PLS3: variants seen among roughly 807,000 people sequenced by gnomAD.
PLS3 encodes plastin-3.
PLS3 carries 11 observed loss-of-function variants against 46.5 expected under a neutral mutation model. That is an observed-to-expected ratio of 0.24 (90% CI 0.15 to 0.39). The LOEUF (loss-of-function observed/expected upper bound fraction) is 0.39, where lower values mean the gene tolerates loss of function less well. Ranked by LOEUF, PLS3 falls within the 10% of genes least tolerant of loss-of-function variation. PLS3 has a pLI of 1.00. For synonymous variants in PLS3, 167 were observed against 162.2 expected (o/e 1.03, Z -0.22); for missense variants, 308 against 461.8 (o/e 0.67, Z 3.05).
At chrX:115,594,472 G>C (rs1294805374) in intron 1 of PLS3, among the ~76,000 whole-genome samples, 10 of 111,813 alleles carry the variant, frequency 8.9e-5, no homozygotes, top group African/African-American at 3.2e-4. Flanking sequence ...ATATAAGCAA[G>C]GTATATAACA....
intron 3 of PLS3, among the ~76,000 whole-genome samples, chrX:115,624,174 A>G (rs2074686413): frequency 1.0e-5 from 1 of 99,053 alleles, no homozygotes; most frequent in Admixed American, 1.1e-4. Flanking sequence ...GGTTGCAGTG[A>G]GCCAAGATTG....
chrX:115,586,581 A>AG (rs1465734622), intron 1 of PLS3, among the ~76,000 whole-genome samples: 3 of 104,443 alleles, frequency 2.9e-5, no homozygotes, highest in Non-Finnish European at 5.9e-5. Flanking sequence ...TGGGAGGCTG[A>AG]GGCAGGAGAA....
Position 115,643,461 on chromosome X carries a change from C to T in PLS3, c.1136C>T (p.Ala379Val). Reference sequence around the variant, plus strand: ...GCTAACCTGTTTAATAAATACCCAGCACTAACTAAGCCAGAGAACCAGGAT... The same window carrying T: ...GCTAACCTGTTTAATAAATACCCAGTACTAACTAAGCCAGAGAACCAGGAT... The part of the protein sequence containing the change: ...FVANLFNKYP[A>V]LTKPENQDID... Residue 379 changes from alanine (A) to valine (V), a missense_variant, in exon 10 of 16, where the codon GCA (alanine) becomes GTA (valine). This residue lies in a region of PLS3 where 271 missense variants were observed against 435.7 expected (regional missense o/e 0.62). Coordinates refer to ENST00000355899, the MANE Select transcript of PLS3 (RefSeq NM_005032.7). 1 of 1,204,436 alleles carries T rather than the reference C, an allele frequency of 8.3e-7. No homozygotes were observed. Among genetic ancestry groups the T allele is most frequent in the Non-Finnish European group, 1.1e-6 (1 of 889,107 alleles).
rs35211005 is a variant in PLS3, at chrX:115,646,500, C to T, written c.1476C>T (p.Thr492=). 6 of 1,209,621 alleles carry T rather than the reference C, an allele frequency of 5.0e-6. No homozygotes were observed. In the African/African-American group the frequency reaches 1.0e-4, roughly 21 times the overall value. ...GGQDLNDGNQ[T]LTLALVWQLM... The stretch of plus-strand genomic sequence containing the variant: ...AAGACCTGAATGATGGGAACCAAAC[C>T]CTGACTTTAGCTTTAGTCTGGCAGC... The change falls in exon 13 of 16, where the codon ACC becomes ACT. Residue 492 remains threonine, a synonymous_variant. Coordinates refer to ENST00000355899, the MANE Select transcript of PLS3 (RefSeq NM_005032.7).
intron 1 of PLS3, among the ~76,000 whole-genome samples, chrX:115,571,625 A>G (rs1441626054): frequency 8.9e-6 from 1 of 112,216 alleles, no homozygotes; most frequent in Non-Finnish European, 1.9e-5. Context: ...TGGCTCAGTA[A>G]ATTACAGACA....
At chrX:115,573,111 G>A (rs868980224) in intron 1 of PLS3, among the ~76,000 whole-genome samples, 48 of 94,159 alleles carry the variant, frequency 5.1e-4, no homozygotes, top group South Asian at 9.3e-4. Flanking sequence ...AAAAAAAAAA[G>A]AAAAAAGAAA....
intron 2 of PLS3, among the ~76,000 whole-genome samples, chrX:115,620,706 C>T (rs868911790): frequency 1.9e-3 from 102 of 54,693 alleles, no homozygotes; most frequent in African/African-American, 5.8e-3. Flanking sequence ...TTTTTCTTTT[C>T]TTTTTTTTTT....
chrX:115,624,011 C>CCT (rs2074683343), intron 3 of PLS3, among the ~76,000 whole-genome samples: 1 of 111,384 alleles, frequency 9.0e-6, no homozygotes, highest in Non-Finnish European at 1.9e-5. Context: ...GGGTGGATCA[C>CCT]GAGCTCAGAA....
intron 3 of PLS3, among the ~76,000 whole-genome samples, chrX:115,624,884 T>C (rs1271754000): frequency 8.9e-6 from 1 of 111,972 alleles, no homozygotes; most frequent in Non-Finnish European, 1.9e-5. Flanking sequence ...AGAAACAAAC[T>C]TGGATTTCTG....
chrX:115,605,915 T>C (rs5987752), intron 1 of PLS3, among the ~76,000 whole-genome samples: 1,678 of 111,089 alleles, frequency 0.015, 22 homozygotes, highest in African/African-American at 0.047. Context: ...ATTGTAATTA[T>C]TCATGTTTGC....
At chrX:115,638,404 C>A (rs782640468) in intron 8 of PLS3, among the ~76,000 whole-genome samples, 1 of 111,004 alleles carries the variant, frequency 9.0e-6, no homozygotes, top group Admixed American at 9.6e-5. Context: ...CCACTGTGCC[C>A]GGCCTGATTT....
Position 115,585,377 on chromosome X carries a change from A to C in PLS3, c.-9+24117A>C, listed in dbSNP as rs781944709. On this transcript the variant is annotated intron_variant, in intron 1 of 15. Transcript: ENST00000355899. ...CTTTATATAAGTAGGCAGAAATTTT[A>C]AAAAGTCTTTTTTTTTGTTTGTTTG... 2.7e-5 allele frequency among the ~76,000 whole-genome samples: 3 copies of C among 111,808 alleles called. No homozygotes were observed. In the South Asian group the frequency reaches 1.1e-3, roughly 41 times the overall value.
chrX:115,616,978 C>T (rs1277224093), intron 2 of PLS3, among the ~76,000 whole-genome samples: 1 of 111,598 alleles, frequency 9.0e-6, no homozygotes, highest in Non-Finnish European at 1.9e-5. Flanking sequence ...TAGAAGACGA[C>T]GCACATTCTT....
intron 1 of PLS3, among the ~76,000 whole-genome samples, chrX:115,581,656 C>T (rs782497412): frequency 2.7e-5 from 3 of 112,120 alleles, no homozygotes; most frequent in African/African-American, 9.7e-5. Context: ...CTTCTGTCTG[C>T]TTACTGATTC....
chrX:115,580,885 G>A lies in PLS3; in HGVS notation c.-9+19625G>A, dbSNP rs781954321. Reference sequence around the variant, plus strand: ...GAAATTATTGAATGAATATTAATTAGCAGTTTCTTTTTTATTTTTTAAATT... The same window carrying A: ...GAAATTATTGAATGAATATTAATTAACAGTTTCTTTTTTATTTTTTAAATT... On this transcript the variant is annotated intron_variant, in intron 1 of 15. Transcript: ENST00000355899. 2.7e-5 allele frequency among the ~76,000 whole-genome samples: 3 copies of A among 111,508 alleles called. No individual in the cohort carries two copies. In the South Asian group the frequency reaches 1.1e-3, roughly 42 times the overall value.
At chrX:115,621,865 A>G (rs969112210) in intron 2 of PLS3, among the ~76,000 whole-genome samples, 5 of 112,115 alleles carry the variant, frequency 4.5e-5, no homozygotes, top group Non-Finnish European at 9.4e-5. Flanking sequence ...TAAGAAACAC[A>G]AAATTCCTAT....
intron 3 of PLS3, among the ~76,000 whole-genome samples, chrX:115,624,688 G>C (rs1229346426): frequency 8.9e-6 from 1 of 112,162 alleles, no homozygotes; most frequent in Non-Finnish European, 1.9e-5. Context: ...ACAGCTATTT[G>C]TGGCTTTTAA....
chrX:115,584,526 A>G (rs1328359694), intron 1 of PLS3, among the ~76,000 whole-genome samples: 1 of 112,213 alleles, frequency 8.9e-6, no homozygotes, highest in East Asian at 2.8e-4. Context: ...TCAAGAAGCT[A>G]GAAGCTGATA....
chrX:115,603,931 G>A lies in PLS3; in HGVS notation c.-8-6312G>A, dbSNP rs782655932. Among the ~76,000 whole-genome samples, 4 of 111,752 alleles carry A rather than the reference G, an allele frequency of 3.6e-5. No homozygotes were observed. In the East Asian group the frequency reaches 1.1e-3, roughly 31 times the overall value. ...AATACTTTCTCTTCACCTTTTTCTAGTACTCATGAAAAAATTTGCAAATTA... is the reference window on the plus strand; with the variant it reads ...AATACTTTCTCTTCACCTTTTTCTAATACTCATGAAAAAATTTGCAAATTA... On this transcript the variant is annotated intron_variant, in intron 1 of 15. Transcript: ENST00000355899.
Sources: gnomAD v4.1 joint callset for allele counts (sites outside exome capture counted in the v4.1 genomes callset) on GRCh38, gnomAD v4.1.1 for gene constraint, gnomAD v4.1.1 regional missense constraint, MANE v1.5 for transcripts, NCBI Gene and HGNC (gene_info 2026-07-23, HGNC 2026-07-21) for gene names.